Variants in CTNNA2 observed in about 807,000 individuals in gnomAD.
CTNNA2 encodes catenin alpha-2.
CTNNA2 carries 42 observed loss-of-function variants against 101.0 expected under a neutral mutation model. That is an observed-to-expected ratio of 0.42 (90% CI 0.32 to 0.54). The LOEUF (loss-of-function observed/expected upper bound fraction) is 0.54. Ranked by LOEUF, CTNNA2 falls within the 20% of genes least tolerant of loss-of-function variation. CTNNA2 has a pLI of 0.14. For missense variants in CTNNA2, 871 were observed against 1,223.1 expected (o/e 0.71, Z 4.29); for synonymous variants, 450 against 456.4 (o/e 0.99, Z 0.18).
intron 1 of CTNNA2, among the ~76,000 whole-genome samples, chr2:79,603,185 G>C (rs996899829): frequency 6.6e-6 from 1 of 152,062 alleles, no homozygotes; most frequent in Non-Finnish European, 1.5e-5. Context: ...AATGATGCTA[G>C]AACTTTTTAC....
intron 8 of CTNNA2, among the ~76,000 whole-genome samples, chr2:80,400,931 TCCTTCTG>T: frequency 6.6e-6 from 1 of 152,260 alleles, no homozygotes; most frequent in South Asian, 2.1e-4. Context: ...TGTTTCCAGA[TCCTTCTG>T]CCTTTGCACT....
At chr2:80,533,182 G>A (rs1320742225) in intron 9 of CTNNA2, among the ~76,000 whole-genome samples, 1 of 152,214 alleles carries the variant, frequency 6.6e-6, no homozygotes, top group Non-Finnish European at 1.5e-5. Context: ...TATGTGGTAA[G>A]TTGCAATGGG....
chr2:79,710,707 A>T (rs1573754022), intron 2 of CTNNA2, among the ~76,000 whole-genome samples: 1 of 152,074 alleles, frequency 6.6e-6, no homozygotes, highest in Middle Eastern at 3.4e-3. Context: ...GAGAAAGTAG[A>T]TGTGTGTATG....
intron 2 of CTNNA2, 123 bp downstream of exon 2, chr2:79,651,781 A>G: frequency 2.5e-6 from 2 of 796,444 alleles, no homozygotes; most frequent in Non-Finnish European, 4.1e-6. Context: ...CGATTACTGA[A>G]TATATATTAC....
At chr2:79,764,132 C>G (rs939585764) in intron 3 of CTNNA2, among the ~76,000 whole-genome samples, 1 of 152,160 alleles carries the variant, frequency 6.6e-6, no homozygotes, top group Non-Finnish European at 1.5e-5. Flanking sequence ...AGTTCCTACT[C>G]CTCAGTGGGG....
chr2:79,877,473 C>T (rs1683112548), intron 6 of CTNNA2, among the ~76,000 whole-genome samples: 1 of 151,954 alleles, frequency 6.6e-6, no homozygotes, highest in South Asian at 2.1e-4. Flanking sequence ...AATAATATAC[C>T]GTTTCTCTTT....
At chr2:80,442,059 A>T (rs780766849) in intron 9 of CTNNA2, among the ~76,000 whole-genome samples, 7 of 152,324 alleles carry the variant, frequency 4.6e-5, no homozygotes, top group Middle Eastern at 3.4e-3. Context: ...ATAAGTTTGT[A>T]TATTCTTGTA....
intron 7 of CTNNA2, among the ~76,000 whole-genome samples, chr2:80,145,760 A>G (rs1180909089): frequency 2.0e-5 from 3 of 152,254 alleles, no homozygotes; most frequent in African/African-American, 7.2e-5. Flanking sequence ...TATAGTATCC[A>G]TCATCAGCAA....
In CTNNA2 at chr2:79,343,679, T is replaced by C. The variant is rs529688490; in HGVS notation, c.-317-30152T>C. ...TGGATTGCAGGAACAGGAATGAAAA[T>C]TGATATTGACCTAACCCTGTAACAA... On this transcript the variant is annotated intron_variant, in intron 3 of 21. Transcript: ENST00000466387. Among the ~76,000 whole-genome samples the C allele has an allele frequency of 1.7e-3, 262 of 151,974 alleles. 2 individuals are homozygous for C. The highest frequency in any genetic ancestry group is 5.9e-3 in the African/African-American group (246 of 41,418).
intron 4 of CTNNA2, among the ~76,000 whole-genome samples, chr2:79,422,677 C>T (rs1450307343): frequency 2.0e-5 from 3 of 152,082 alleles, no homozygotes; most frequent in Non-Finnish European, 4.4e-5. Flanking sequence ...TAAAAAGAAA[C>T]AAAGTTTCTG....
intron 9 of CTNNA2, among the ~76,000 whole-genome samples, chr2:80,434,514 AG>A (rs1203312053): frequency 1.1e-5 from 1 of 93,236 alleles, no homozygotes; most frequent in Non-Finnish European, 1.9e-5. Context: ...TTTTTGAGCC[AG>A]GGTTTCACCC....
intron 1 of CTNNA2, among the ~76,000 whole-genome samples, chr2:79,557,896 T>C (rs960179312): frequency 1.3e-5 from 2 of 151,998 alleles, no homozygotes; most frequent in East Asian, 3.9e-4. Flanking sequence ...TTTAGTAGAA[T>C]TATCTGTTTA....
At chr2:79,618,592 A>G (rs949946559) in intron 1 of CTNNA2, among the ~76,000 whole-genome samples, 1 of 152,110 alleles carries the variant, frequency 6.6e-6, no homozygotes, top group African/African-American at 2.4e-5. Context: ...TAAGTCCCTC[A>G]GTGGATTCCC....
At chr2:79,743,886 C>T (rs181553908) in intron 2 of CTNNA2, among the ~76,000 whole-genome samples, 1 of 152,220 alleles carries the variant, frequency 6.6e-6, no homozygotes, top group Non-Finnish European at 1.5e-5. Context: ...CAAAGGTCTT[C>T]GAAAGTCCTT....
intron 15 of CTNNA2, among the ~76,000 whole-genome samples, chr2:80,598,897 G>C (rs1697225534): frequency 6.6e-6 from 1 of 152,190 alleles, no homozygotes; most frequent in African/African-American, 2.4e-5. Context: ...TAAACAGTAT[G>C]AGAGAAACTT....
chr2:80,425,240 T>A (rs969858220), intron 9 of CTNNA2, among the ~76,000 whole-genome samples: 4 of 152,144 alleles, frequency 2.6e-5, no homozygotes, highest in Non-Finnish European at 4.4e-5. Flanking sequence ...GGCAAGTGGG[T>A]CTCTTGTAGG....
chr2:80,111,423 C>A (rs1030951561), intron 7 of CTNNA2, among the ~76,000 whole-genome samples: 6 of 152,222 alleles, frequency 3.9e-5, no homozygotes, highest in African/African-American at 1.2e-4. Context: ...GCAAGCCCTG[C>A]ACATGACCAG....
intron 1 of CTNNA2, among the ~76,000 whole-genome samples, chr2:79,603,982 C>G (rs1437685478): frequency 6.6e-6 from 1 of 152,114 alleles, no homozygotes; most frequent in Non-Finnish European, 1.5e-5. Flanking sequence ...GGTTGGAGGA[C>G]CCTGACTTGG....
chr2:79,539,692 T>C (rs1673291154), intron 1 of CTNNA2, among the ~76,000 whole-genome samples: 1 of 152,200 alleles, frequency 6.6e-6, no homozygotes, highest in South Asian at 2.1e-4. Context: ...ATCTCATTTT[T>C]CCCTTCTGGT....
Sources: gnomAD v4.1 joint callset for allele counts (sites outside exome capture counted in the v4.1 genomes callset) on GRCh38, gnomAD v4.1.1 for gene constraint, MANE v1.5 for transcripts, NCBI Gene and HGNC (gene_info 2026-07-23, HGNC 2026-07-21) for gene names.